The following CFAP299 variants were observed in gnomAD, a reference collection of about 807,000 sequenced individuals.
The protein encoded by CFAP299 is cilia and flagella associated protein 299.
CFAP299 carries 21 observed loss-of-function variants against 27.0 expected under a neutral mutation model. The ratio of observed to expected loss-of-function variants is 0.78; its 90% CI spans 0.55 to 1.12. The LOEUF is 1.12. Among genes scored for constraint, CFAP299 ranks in the 50% most tolerant of loss-of-function variants. CFAP299 has a pLI of 0.00. For synonymous variants in CFAP299, 104 were observed against 98.1 expected, an observed-to-expected ratio of 1.06 and a Z score of -0.36; for missense variants, 310 against 276.6, an observed-to-expected ratio of 1.12 and a Z score of -0.86.
intron 2 of CFAP299, among the ~76,000 whole-genome samples, chr4:80,442,470 G>A (rs1441937283): frequency 6.6e-6 from 1 of 152,130 alleles, no homozygotes; most frequent in African/African-American, 2.4e-5. Flanking sequence ...GGTAAATAAC[G>A]AAATTAAGGC....
chr4:80,578,543 A>G (rs1360420422), intron 2 of CFAP299, among the ~76,000 whole-genome samples: 1 of 152,176 alleles, frequency 6.6e-6, no homozygotes, highest in Non-Finnish European at 1.5e-5. Context: ...CGAGACTTGC[A>G]TAATAATAAA....
rs116273411 is a variant in CFAP299 at position 80,522,136 on chromosome 4, T to A, written c.243-60957T>A. The stretch of plus-strand genomic sequence containing the variant: ...TACGTCTTCACTAACACTTATTACT[T>A]TCTGTTTTGGTTTTTATTTTATTTA... On this transcript the variant is annotated intron_variant, in intron 2 of 5. Coordinates refer to ENST00000358105, the MANE Select transcript of CFAP299 (RefSeq NM_152770.3). Among the ~76,000 whole-genome samples the A allele has an allele frequency of 4.7e-3, 717 of 152,124 alleles. 5 individuals are homozygous for A. Among genetic ancestry groups the A allele is most frequent in the Non-Finnish European group, 7.8e-3 (532 of 67,946 alleles).
At chr4:80,901,731 T>C (rs1051367088) in intron 4 of CFAP299, among the ~76,000 whole-genome samples, 9 of 152,252 alleles carry the variant, frequency 5.9e-5, no homozygotes, top group Middle Eastern at 3.4e-3. Context: ...TGCCAGCAAT[T>C]GGTTCAATCA....
intron 2 of CFAP299, among the ~76,000 whole-genome samples, chr4:80,461,944 C>T (rs954050435): frequency 6.6e-6 from 1 of 152,122 alleles, no homozygotes; most frequent in Non-Finnish European, 1.5e-5. Context: ...TTCATCATGA[C>T]CACTTTACCC....
intron 2 of CFAP299, among the ~76,000 whole-genome samples, chr4:80,543,851 G>A (rs1170522252): frequency 6.6e-6 from 1 of 152,148 alleles, no homozygotes. Context: ...ACCCATGTGA[G>A]ATACTATGCA....
chr4:80,950,573 G>C (rs951798275), intron 5 of CFAP299, among the ~76,000 whole-genome samples: 2 of 152,250 alleles, frequency 1.3e-5, no homozygotes, highest in East Asian at 1.9e-4. Flanking sequence ...AGGGTGTTCT[G>C]ATAGGAAGAA....
At chr4:80,890,368 C>T (rs1734204456) in intron 4 of CFAP299, among the ~76,000 whole-genome samples, 1 of 151,896 alleles carries the variant, frequency 6.6e-6, no homozygotes, top group African/African-American at 2.4e-5. Context: ...AAAAGTAATC[C>T]CATTTACAAT....
upstream of CFAP299, among the ~76,000 whole-genome samples, chr4:80,334,429 C>T (rs1007122027): frequency 2.6e-5 from 4 of 152,120 alleles, no homozygotes; most frequent in Non-Finnish European, 4.4e-5. Context: ...AGGCGCCCAC[C>T]ATCATGCCTA....
intron 2 of CFAP299, among the ~76,000 whole-genome samples, chr4:80,409,718 A>T (rs1460191357): frequency 6.6e-6 from 1 of 152,222 alleles, no homozygotes; most frequent in African/African-American, 2.4e-5. Context: ...ATTGACAGGA[A>T]TTATTTGAAG....
intron 3 of CFAP299, among the ~76,000 whole-genome samples, chr4:80,816,748 G>A (rs1366764951): frequency 1.3e-5 from 2 of 151,932 alleles, no homozygotes; most frequent in Non-Finnish European, 2.9e-5. Context: ...ATAGTGCAGG[G>A]GTGTCCAATG....
intron 2 of CFAP299, among the ~76,000 whole-genome samples, chr4:80,519,579 TAAAACTC>T (rs963165423): frequency 1.3e-5 from 2 of 152,102 alleles, no homozygotes; most frequent in Admixed American, 6.6e-5. Flanking sequence ...GTGTTTGAAT[TAAAACTC>T]AAAAATATAA....
intron 4 of CFAP299, among the ~76,000 whole-genome samples, chr4:80,878,085 TTAAG>T (rs1382119086): frequency 3.3e-5 from 5 of 152,160 alleles, no homozygotes; most frequent in Non-Finnish European, 5.9e-5. Context: ...TTAAATTTTC[TTAAG>T]TATGTCCAAA....
chr4:80,844,027 G>C (rs1379136357), intron 3 of CFAP299, among the ~76,000 whole-genome samples: 1 of 152,036 alleles, frequency 6.6e-6, no homozygotes, highest in Non-Finnish European at 1.5e-5. Context: ...CCTTGCCATA[G>C]TTTGCTGAGA....
chr4:80,850,964 C>T (rs190705687), intron 3 of CFAP299, among the ~76,000 whole-genome samples: 1 of 152,140 alleles, frequency 6.6e-6, no homozygotes, highest in Admixed American at 6.5e-5. Flanking sequence ...GAAGCTTCTA[C>T]TTTTTGGTTG....
At chr4:80,591,699 G>A (rs1736799828) in intron 3 of CFAP299, among the ~76,000 whole-genome samples, 1 of 152,166 alleles carries the variant, frequency 6.6e-6, no homozygotes, top group Non-Finnish European at 1.5e-5. Flanking sequence ...TTTAAAATAT[G>A]TGATCATAAT....
At chr4:80,427,593 C>T (rs1285522616) in intron 2 of CFAP299, among the ~76,000 whole-genome samples, 2 of 152,204 alleles carry the variant, frequency 1.3e-5, no homozygotes, top group African/African-American at 4.8e-5. Flanking sequence ...GTAGAAAGGG[C>T]TCATTGTTTT....
intron 2 of CFAP299, among the ~76,000 whole-genome samples, chr4:80,476,241 G>C (rs1022055237): frequency 5.9e-5 from 9 of 152,042 alleles, no homozygotes; most frequent in Non-Finnish European, 1.3e-4. Context: ...TTCTAACTTG[G>C]GTCCAGTATT....
At chr4:80,565,265 A>G (rs1308473494) in intron 2 of CFAP299, among the ~76,000 whole-genome samples, 1 of 152,032 alleles carries the variant, frequency 6.6e-6, no homozygotes, top group Non-Finnish European at 1.5e-5. Flanking sequence ...TGACTAACCT[A>G]TTGTATATTC....
chr4:80,484,710 G>A (rs1477043491), intron 2 of CFAP299, among the ~76,000 whole-genome samples: 1 of 152,198 alleles, frequency 6.6e-6, no homozygotes, highest in East Asian at 1.9e-4. Context: ...AGGCATAAAT[G>A]AATATTGATG....
Sources: gnomAD v4.1 joint callset for allele counts (sites outside exome capture counted in the v4.1 genomes callset) on GRCh38, gnomAD v4.1.1 for gene constraint, MANE v1.5 for transcripts, NCBI Gene and HGNC (gene_info 2026-07-23, HGNC 2026-07-21) for gene names.